Variants in MLLT6 observed in about 807,000 individuals in gnomAD.
MLLT6 encodes protein AF-17.
In MLLT6, 22 loss-of-function variants were observed where a neutral mutation model predicts 103.0. That is an observed-to-expected ratio of 0.21 (90% CI 0.15 to 0.31). The LOEUF (loss-of-function observed/expected upper bound fraction) is 0.31. MLLT6 is among the 10% of genes least tolerant of loss of function. The pLI, the probability that MLLT6 is intolerant of heterozygous loss-of-function variation, is 1.00. For missense variants in MLLT6, 1,199 were observed against 1,441.7 expected (o/e 0.83, Z 2.73); for synonymous variants, 606 against 623.5 (o/e 0.97, Z 0.42).
In MLLT6 at chr17:38,726,997, C is replaced by T. The variant is rs1273060400; in HGVS notation, c.*1399C>T. On this transcript the variant is annotated 3_prime_UTR_variant, in exon 20 of 20. Coordinates refer to ENST00000621332, the MANE Select transcript of MLLT6 (RefSeq NM_005937.4). ...AGAGAGGCGAGAGGCAAGGCGAAGC[C>T]TGTGTCCCTGTTTCAGTTGCACTGG... The T allele has an allele frequency of 6.4e-5, 15 of 233,666 alleles. No homozygotes were observed. The highest frequency in any genetic ancestry group is 1.2e-3 in the Middle Eastern group (1 of 808). The allele number at this position is 233,666 out of a possible 1,614,324, so 14.5% of individuals were successfully genotyped here.
At chr17:38,720,596 G>A (rs565139588) in intron 15 of MLLT6, 27 bp downstream of exon 15, 2 of 1,612,800 alleles carry the variant, frequency 1.2e-6, no homozygotes, top group Non-Finnish European at 1.7e-6. Flanking sequence ...CAGCCCGGGA[G>A]AGAGGCCCGT....
intron 6 of MLLT6, among the ~76,000 whole-genome samples, chr17:38,711,440 G>T (rs1905136838): frequency 6.6e-6 from 1 of 152,108 alleles, no homozygotes; most frequent in Non-Finnish European, 1.5e-5. Flanking sequence ...GAGTGCAGGG[G>T]AGCACTGGCT....
intron 13 of MLLT6, 47 bp downstream of exon 13, chr17:38,719,630 AC>A: frequency 1.3e-6 from 2 of 1,573,436 alleles, no homozygotes; most frequent in Non-Finnish European, 8.6e-7. Context: ...CAGGAGGGAC[AC>A]CCGAGGGAGG....
chr17:38,715,613 T>G lies in MLLT6; in HGVS notation c.821T>G (p.Val274Gly). The G allele has an allele frequency of 6.2e-7, 1 of 1,610,658 alleles. No homozygotes were observed. The highest frequency in any genetic ancestry group is 1.1e-5 in the South Asian group (1 of 90,750). ...TPPVVPTADK[V>G]SSSASSSSHH... The stretch of plus-strand genomic sequence containing the variant: ...ACCTTCCTCTCTCCTCTCCTTCAGG[T>G]CTCCTCCTCGGCTTCCTCTTCCTCC... The change falls in exon 9 of 20, where the codon GTC becomes GGC. Residue 274 changes from valine (V) to glycine (G), a missense_variant and splice_region_variant. Transcript: ENST00000621332.
chr17:38,713,676 G>A (rs1905222195), intron 8 of MLLT6: 1 of 152,262 alleles, frequency 6.6e-6, no homozygotes, highest in African/African-American at 2.4e-5. Context: ...ACCTTTCCAG[G>A]GGCCTGCAGG....
Position 38,720,251 on chromosome 17 carries a change from C to T in MLLT6, c.2156-121C>T. ...TTCTCAGAGCTCACCTGTGTCCCTCCTTAGGATGGCGCCGCCTTTTCAAGG... is the reference window on the plus strand; with the variant it reads ...TTCTCAGAGCTCACCTGTGTCCCTCTTTAGGATGGCGCCGCCTTTTCAAGG... On this transcript the variant is annotated intron_variant, in intron 14 of 19. Transcript: ENST00000621332. 6.0e-6 allele frequency: 6 copies of T among 1,002,804 alleles called. No homozygotes were observed. In the South Asian group the frequency reaches 9.6e-5, roughly 16 times the overall value. 62.1% of individuals were successfully genotyped at this position (1,002,804 alleles called of 1,614,324 possible). A position where few individuals can be genotyped will look rare whatever the true frequency, so the allele number is the denominator to read the frequency against.
intron 4 of MLLT6, 196 bp from the exon 5 acceptor site, chr17:38,708,977 G>C: frequency 3.5e-6 from 2 of 577,844 alleles, no homozygotes; most frequent in South Asian, 4.6e-5. Flanking sequence ...TAGTTCAAGT[G>C]CTTATAGCCC....
At position 38,719,906 on chromosome 17, in the gene MLLT6, G is replaced by T; in HGVS notation, c.2155+11G>T. The T allele has an allele frequency of 6.4e-7, 1 of 1,565,356 alleles. No homozygotes were observed. Among genetic ancestry groups the T allele is most frequent in the South Asian group, 1.2e-5 (1 of 85,594 alleles). ...AGGCCGGCGTCAACAGTGAGGAGGG[G>T]TGGCGCCGGTCGGGACGCCTGCCCT... is the stretch of plus-strand genomic sequence containing the variant. On this transcript the variant is annotated intron_variant, in intron 14 of 19. Coordinates refer to ENST00000621332, the MANE Select transcript of MLLT6 (RefSeq NM_005937.4).
rs1024612223 is a variant in MLLT6, at chr17:38,722,067, A to G, written c.2632A>G (p.Met878Val). The change falls in exon 17 of 20, where the codon ATG becomes GTG. Residue 878 changes from methionine (M) to valine (V), a missense_variant. By Grantham distance (21) the Met-to-Val change is conservative. Coordinates refer to ENST00000621332, the MANE Select transcript of MLLT6 (RefSeq NM_005937.4). The part of the protein sequence containing the change: ...RAPGAAGLGA[M>V]PMAEGLLGGL... ...ACCCGGGGCAGCGGGGCTGGGGGCC[A>G]TGCCCATGGCTGAGGGGCTGTTGGG... 12 of 1,388,902 alleles carry G rather than the reference A, an allele frequency of 8.6e-6. No homozygotes were observed. The African/African-American group carries it at 1.7e-4, about 19-fold the overall frequency. The allele number at this position is 1,388,902 out of a possible 1,614,324, so 86.0% of individuals were successfully genotyped here. A position where few individuals can be genotyped will look rare whatever the true frequency, so the allele number is the denominator to read the frequency against.
rs765519304 is a variant in MLLT6, at chr17:38,721,943, G to A, written c.2508G>A (p.Pro836=). 19 of 1,532,618 alleles carry A rather than the reference G, an allele frequency of 1.2e-5. No homozygotes were observed. Among genetic ancestry groups the A allele is most frequent in the Admixed American group, 1.9e-5 (1 of 51,564 alleles). The allele number at this position is 1,532,618 out of a possible 1,614,324, so 94.9% of individuals were successfully genotyped here. Reference sequence around the variant, plus strand: ...TGTCCTTCCACAGCACGCCCCCACCGCTGCCCCTCCTCCAGCAGAGCCCTG... The same window carrying A: ...TGTCCTTCCACAGCACGCCCCCACCACTGCCCCTCCTCCAGCAGAGCCCTG... ...SSLSFHSTPP[P]LPLLQQSPAT... The change falls in exon 17 of 20, where the codon CCG becomes CCA. Residue 836 remains proline (P), a synonymous_variant. Coordinates refer to ENST00000621332, the MANE Select transcript of MLLT6 (RefSeq NM_005937.4).
rs1158825543 is a variant in MLLT6 at position 38,727,185 on chromosome 17, G to A, written c.*1587G>A. 1 of 229,674 alleles carries A rather than the reference G, an allele frequency of 4.4e-6. No individual in the cohort carries two copies. Among genetic ancestry groups the A allele is most frequent in the Non-Finnish European group, 8.6e-6 (1 of 116,552 alleles). 14.2% of individuals were successfully genotyped at this position (229,674 alleles called of 1,614,324 possible). A position where few individuals can be genotyped will look rare whatever the true frequency, so the allele number is the denominator to read the frequency against. ...AGAAGATGTGTATATTTTTGGCAAC[G>A]ACAGAAACGTAGTGCAGATATATTT... On this transcript the variant is annotated 3_prime_UTR_variant, in exon 20 of 20. Transcript: ENST00000621332.
Position 38,720,470 on chromosome 17 carries a change from A to G in MLLT6, c.2254A>G (p.Ile752Val), listed in dbSNP as rs750254830. Residue 752 changes from isoleucine (I) to valine (V), a missense_variant, in exon 15 of 20, where the codon ATT (isoleucine) becomes GTT (valine). By Grantham distance (29) the Ile-to-Val change is conservative (BLOSUM62 3). Coordinates refer to ENST00000621332, the MANE Select transcript of MLLT6 (RefSeq NM_005937.4). Reference sequence around the variant, plus strand: ...GACGGCCAAAAAGGAGCGGCTGCAGATTCTCAACGTGCAGCTCTCTGTGCC... The same window carrying G: ...GACGGCCAAAAAGGAGCGGCTGCAGGTTCTCAACGTGCAGCTCTCTGTGCC... Reference protein sequence around the residue: ...SLTAKKERLQILNVQLSVPFP... With the variant: ...SLTAKKERLQVLNVQLSVPFP... 3.1e-6 allele frequency: 5 copies of G among 1,612,950 alleles called. No homozygotes were observed. In the South Asian group the frequency reaches 5.5e-5, roughly 18 times the overall value.
At chr17:38,707,928 C>A in intron 4 of MLLT6, 56 bp downstream of exon 4, 2 of 1,077,218 alleles carry the variant, frequency 1.9e-6, no homozygotes, top group Non-Finnish European at 2.8e-6. Context: ...TGGGTTCCTC[C>A]AACGCTCTCT....
At chr17:38,717,319 G>T in intron 10 of MLLT6, 113 bp from the exon 11 acceptor site, 1 of 871,092 alleles carries the variant, frequency 1.1e-6, no homozygotes. Flanking sequence ...ACTGGGGCAT[G>T]TAGCCAGATC....
rs1906128311 is a variant in MLLT6 at position 38,728,036 on chromosome 17, G to C, written c.*2438G>C. 4.3e-6 allele frequency: 1 copy of C among 233,150 alleles called. No homozygotes were observed. The highest frequency in any genetic ancestry group is 5.6e-5 in the Admixed American group (1 of 17,780). The allele number at this position is 233,150 out of a possible 1,614,324, so 14.4% of individuals were successfully genotyped here. ...CTTCCCTCCCTCAGCCCAAACCAAA[G>C]GCTGGGGTTCTCATCTCCAAGTGGC... is the stretch of plus-strand genomic sequence containing the variant. On this transcript the variant is annotated 3_prime_UTR_variant, in exon 20 of 20. Coordinates refer to ENST00000621332, the MANE Select transcript of MLLT6 (RefSeq NM_005937.4).
chr17:38,714,005 G>A (rs1037500347), intron 8 of MLLT6: 1 of 152,280 alleles, frequency 6.6e-6, no homozygotes. Context: ...GTCGCTACTA[G>A]GAGGAAAAGG....
Position 38,716,905 on chromosome 17 carries a change from A to G in MLLT6, c.1575A>G (p.Gly525=). 6.2e-7 allele frequency: 1 copy of G among 1,613,798 alleles called. No homozygotes were observed. The highest frequency in any genetic ancestry group is 8.5e-7 in the Non-Finnish European group (1 of 1,179,936). Residue 525 remains glycine (G), a synonymous_variant, in exon 10 of 20, where the codon GGA becomes GGG. Coordinates refer to ENST00000621332, the MANE Select transcript of MLLT6 (RefSeq NM_005937.4). The surrounding 1 kb of genome is among the most constrained non-coding windows in gnomAD (Gnocchi z 5.6). ...GTTCCCTGGTCAGCTCCGGCCTGGGAGGTCTGTCCTCCCGAACCTTTGGGC... is the reference window on the plus strand; with the variant it reads ...GTTCCCTGGTCAGCTCCGGCCTGGGGGGTCTGTCCTCCCGAACCTTTGGGC... ...SGGSLVSSGL[G]GLSSRTFGPS...
intron 8 of MLLT6, 44 bp downstream of exon 8, chr17:38,712,833 G>C (rs753490761): frequency 1.6e-5 from 23 of 1,467,062 alleles, no homozygotes; most frequent in Non-Finnish European, 2.9e-6. Flanking sequence ...TGGGTCTGGG[G>C]TGGCAGAGGG....
Position 38,716,121 on chromosome 17 carries a change from C to A in MLLT6, c.1037-246C>A. 1 of 598,992 alleles carries A rather than the reference C, an allele frequency of 1.7e-6. No homozygotes were observed. The highest frequency in any genetic ancestry group is 2.1e-5 in the South Asian group (1 of 46,840). The allele number at this position is 598,992 out of a possible 1,614,324, so 37.1% of individuals were successfully genotyped here. On this transcript the variant is annotated intron_variant, in intron 9 of 19. Coordinates refer to ENST00000621332, the MANE Select transcript of MLLT6 (RefSeq NM_005937.4). The surrounding 1 kb of genome is among the most constrained non-coding windows in gnomAD (Gnocchi z 5.6). Reference sequence around the variant, plus strand: ...CAAGAACCCCCATTAACATTTTCTCCTATAATCGCTACAGTCATCTGGTGA... The same window carrying A: ...CAAGAACCCCCATTAACATTTTCTCATATAATCGCTACAGTCATCTGGTGA...
Sources: gnomAD v4.1 joint callset for allele counts (sites outside exome capture counted in the v4.1 genomes callset) on GRCh38, gnomAD v4.1.1 for gene constraint, Gnocchi (gnomAD v3.1) non-coding constraint, MANE v1.5 for transcripts, NCBI Gene and HGNC (gene_info 2026-07-23, HGNC 2026-07-21) for gene names.